Variants in NUP43 observed in about 807,000 individuals in gnomAD.
The protein encoded by NUP43 is nucleoporin 43.
In NUP43, 32 loss-of-function variants were observed where a neutral mutation model predicts 47.3. That is an observed-to-expected ratio of 0.68 (90% CI 0.51 to 0.91). NUP43 has a LOEUF of 0.91. Among genes scored for constraint, NUP43 ranks in the 40% least tolerant of loss-of-function variants. The probability of loss-of-function intolerance (pLI) is 0.00; values close to 1 mark genes in which losing one functional copy is unlikely to be tolerated. For missense variants in NUP43, 444 were observed against 453.9 expected (o/e 0.98, Z 0.20); for synonymous variants, 147 against 158.4 (o/e 0.93, Z 0.54).
intron 3 of NUP43, 38 bp downstream of exon 3, chr6:149,743,597 CAAA>C (rs34447002): frequency 2.5e-4 from 281 of 1,142,888 alleles, no homozygotes; most frequent in Admixed American, 6.7e-4. Context: ...AACTCCATTT[CAAA>C]AAAAAAAAAA....
intron 4 of NUP43, among the ~76,000 whole-genome samples, chr6:149,742,051 A>G (rs1377045899): frequency 7.0e-6 from 1 of 143,414 alleles, no homozygotes; most frequent in Non-Finnish European, 1.5e-5. Context: ...TTTTAAACAG[A>G]GTTTCACTTT....
At chr6:149,737,452 A>C (rs1470886353) in intron 5 of NUP43, among the ~76,000 whole-genome samples, 1 of 151,978 alleles carries the variant, frequency 6.6e-6, no homozygotes, top group Non-Finnish European at 1.5e-5. Flanking sequence ...ATTTTAAGAA[A>C]TTTTGGTAGA....
chr6:149,748,058 G>C (rs1199184842), upstream of NUP43, among the ~76,000 whole-genome samples: 1 of 152,244 alleles, frequency 6.6e-6, no homozygotes, highest in Non-Finnish European at 1.5e-5. Flanking sequence ...GCTCACGCCT[G>C]TAATCCCAGC....
At chr6:149,727,611 A>G in intron 7 of NUP43, 6 of 807,502 alleles carry the variant, frequency 7.4e-6, no homozygotes, top group Non-Finnish European at 9.0e-6. Context: ...CATGAGAAAG[A>G]ATTTCTAGAC....
intron 7 of NUP43, among the ~76,000 whole-genome samples, chr6:149,729,833 T>C (rs575415050): frequency 1.3e-5 from 2 of 152,164 alleles, no homozygotes; most frequent in Non-Finnish European, 2.9e-5. Flanking sequence ...GCCTACCACA[T>C]GGTAGGCATT....
chr6:149,740,274 T>TAAA (rs1364875107), intron 4 of NUP43, among the ~76,000 whole-genome samples: 1 of 21,992 alleles, frequency 4.5e-5, no homozygotes, highest in Admixed American at 8.5e-4. Context: ...AGACCCTGTC[T>TAAA]CAAAAAAAAA....
intron 2 of NUP43, among the ~76,000 whole-genome samples, chr6:149,744,729 G>A (rs1353618390): frequency 2.0e-5 from 3 of 150,630 alleles, no homozygotes; most frequent in Admixed American, 6.6e-5. Context: ...CCAGCTACTC[G>A]GGAGGCTGAG....
intron 7 of NUP43, chr6:149,731,384 A>AC: frequency 3.3e-6 from 1 of 301,702 alleles, no homozygotes; most frequent in Non-Finnish European, 6.3e-6. Flanking sequence ...ACATGGTGAA[A>AC]CCCCATCTCC....
chr6:149,739,440 C>A (rs1785536816), intron 4 of NUP43, among the ~76,000 whole-genome samples: 1 of 151,550 alleles, frequency 6.6e-6, no homozygotes, highest in Non-Finnish European at 1.5e-5. Context: ...GTACATGCCA[C>A]CATGCCTGGC....
intron 2 of NUP43, among the ~76,000 whole-genome samples, chr6:149,744,450 C>T (rs1785853203): frequency 1.4e-5 from 2 of 147,786 alleles, no homozygotes; most frequent in Admixed American, 1.4e-4. Flanking sequence ...CTTGAACCCA[C>T]GAGGTGGGGT....
chr6:149,731,660 C>T lies in NUP43; in HGVS notation c.866G>A (p.Trp289Ter), dbSNP rs762070234. 2.5e-6 allele frequency: 4 copies of T among 1,613,726 alleles called. No individual in the cohort carries two copies. The highest frequency in any genetic ancestry group is 2.5e-6 in the Non-Finnish European group (3 of 1,179,948). Residue 289 changes from tryptophan (W) to a stop codon, truncating the protein, a stop_gained, in exon 7 of 8, where the codon TGG becomes TAG. Coordinates refer to ENST00000340413, the MANE Select transcript of NUP43 (RefSeq NM_198887.3). LOFTEE classifies it high-confidence loss of function. The part of the protein sequence containing the change: ...TCSEDGSLWH[W>*]DASTDVPEKS... ...TTCAGGTACATCTGTGGAAGCATCCCAGTGCCAGAGGGATCCATCTTCAGA... is the reference window on the plus strand; with the variant it reads ...TTCAGGTACATCTGTGGAAGCATCCTAGTGCCAGAGGGATCCATCTTCAGA...
chr6:149,737,142 G>C (rs1481007286), intron 5 of NUP43, among the ~76,000 whole-genome samples: 1 of 152,102 alleles, frequency 6.6e-6, no homozygotes, highest in Non-Finnish European at 1.5e-5. Flanking sequence ...AAACTAGCCA[G>C]GCATGGTGGC....
At chr6:149,742,637 G>A in intron 3 of NUP43, 67 bp from the exon 4 acceptor site, 1 of 1,207,324 alleles carries the variant, frequency 8.3e-7, no homozygotes, top group Non-Finnish European at 1.2e-6. Context: ...TTCCCAACAA[G>A]AGTATCTTTA....
rs181748896 is a variant in NUP43, at chr6:149,745,251, T to C, written c.243+689A>G. 1.9e-3 allele frequency among the ~76,000 whole-genome samples: 287 copies of C among 151,682 alleles called. 1 individual carries two copies. Among genetic ancestry groups the C allele is most frequent in the African/African-American group, 6.6e-3 (274 of 41,402 alleles). The stretch of plus-strand genomic sequence containing the variant: ...CCGTCTCTATTAAAAATACAAAAAA[T>C]TAGCCGGGTATGGTGGCCTGCGCCT... On this transcript the variant is annotated intron_variant, in intron 2 of 7. Coordinates refer to ENST00000340413, the MANE Select transcript of NUP43 (RefSeq NM_198887.3).
At chr6:149,743,569 C>A (rs1053994569) in intron 3 of NUP43, 69 bp downstream of exon 3, 6 of 958,864 alleles carry the variant, frequency 6.3e-6, no homozygotes, top group African/African-American at 1.6e-5. Context: ...CACTCCAGTG[C>A]GCGGGCAACA....
intron 6 of NUP43, 104 bp from the exon 7 acceptor site, chr6:149,731,839 A>C (rs1582962203): frequency 8.4e-7 from 1 of 1,195,910 alleles, no homozygotes; most frequent in Non-Finnish European, 1.2e-6. Context: ...TCCATCACAT[A>C]CCTTCGAGCC....
At chr6:149,734,507 A>T (rs142624749) in intron 6 of NUP43, among the ~76,000 whole-genome samples, 1 of 151,918 alleles carries the variant, frequency 6.6e-6, no homozygotes, top group African/African-American at 2.4e-5. Flanking sequence ...TTTTTAAAAA[A>T]ATATATAGGG....
At chr6:149,730,942 A>G (rs1369577446) in intron 7 of NUP43, among the ~76,000 whole-genome samples, 1 of 58,872 alleles carries the variant, frequency 1.7e-5, no homozygotes, top group Non-Finnish European at 3.6e-5. Context: ...TGTCTCAAAC[A>G]AAAAAAAAAC....
chr6:149,746,537 GTA>G, upstream of NUP43: 1 of 1,614,046 alleles, frequency 6.2e-7, no homozygotes, highest in Non-Finnish European at 8.5e-7. Context: ...AGCAAGCACA[GTA>G]CGCGCCTCTC....
Sources: allele counts gnomAD v4.1 joint callset (sites outside exome capture counted in the v4.1 genomes callset), GRCh38; gene constraint gnomAD v4.1.1; transcripts MANE v1.5; gene names NCBI Gene and HGNC (gene_info 2026-07-23, HGNC 2026-07-21).